LRRC27: variants seen among roughly 807,000 people sequenced by gnomAD.
LRRC27 encodes leucine rich repeat containing 27.
LRRC27 carries 57 observed loss-of-function variants against 55.0 expected under a neutral mutation model. The observed-to-expected ratio is 1.04, with a 90% CI of 0.84 to 1.29. The LOEUF (loss-of-function observed/expected upper bound fraction) is 1.29, where lower values mean the gene tolerates loss of function less well. Among genes scored for constraint, LRRC27 ranks in the 50% most tolerant of loss-of-function variants. The probability of loss-of-function intolerance (pLI) is 0.00; values close to 1 mark genes in which losing one functional copy is unlikely to be tolerated. For synonymous variants in LRRC27, 278 were observed against 251.9 expected (o/e 1.10, Z -0.98); for missense variants, 721 against 651.5 (o/e 1.11, Z -1.16).
intron 10 of LRRC27, among the ~76,000 whole-genome samples, chr10:132,369,851 C>T (rs1420776482): frequency 6.6e-6 from 1 of 152,176 alleles, no homozygotes; most frequent in Admixed American, 6.5e-5. Context: ...GTGTCCCCCA[C>T]TGTTCTCCCG....
intron 4 of LRRC27, among the ~76,000 whole-genome samples, chr10:132,343,220 C>G (rs1250931958): frequency 6.7e-6 from 1 of 148,614 alleles, no homozygotes; most frequent in East Asian, 1.9e-4. Flanking sequence ...GAGGCTGAGG[C>G]AGGAGGCTAA....
chr10:132,333,378 T>C, intron 1 of LRRC27, 99 bp from the exon 2 acceptor site: 1 of 474,936 alleles, frequency 2.1e-6, no homozygotes, highest in Non-Finnish European at 3.5e-6. Context: ...AATGATAGCT[T>C]TTAAAGCAAG....
intron 8 of LRRC27, among the ~76,000 whole-genome samples, chr10:132,356,172 C>T (rs975015131): frequency 8.5e-5 from 13 of 152,194 alleles, no homozygotes; most frequent in African/African-American, 3.1e-4. Context: ...CCTCTTGGCT[C>T]ACTGACTTTT....
chr10:132,348,101 T>C lies in LRRC27; in HGVS notation c.671T>C (p.Val224Ala). ...AVNAQDPEGA[V>A]MKEKASFLPP... ...AACGCTCAGGACCCAGAGGGGGCTG[T>C]GATGAAAGAGAAGGCCAGCTTTCTC... The change falls in exon 6 of 11, where the codon GTG becomes GCG. Residue 224 changes from valine (V) to alanine (A), a missense_variant. Transcript: ENST00000368614. This position sits in a 1 kb window ranked among gnomAD's most constrained non-coding sequence, Gnocchi z 4.2. 1 of 1,613,932 alleles carries C rather than the reference T, an allele frequency of 6.2e-7. No individual in the cohort carries two copies. The highest frequency in any genetic ancestry group is 8.5e-7 in the Non-Finnish European group (1 of 1,180,006).
chr10:132,351,205 G>T lies in LRRC27; in HGVS notation c.927-402G>T, dbSNP rs528590900. On this transcript the variant is annotated intron_variant, in intron 6 of 10. Transcript: ENST00000368614. ...ACCTGAACTCCAGGCACGTCACATC[G>T]TCCAGCCCGGGCGAGCTGCTGGCCA... 1.7e-5 allele frequency: 3 copies of T among 179,604 alleles called. No homozygotes were observed. In the East Asian group the frequency reaches 4.8e-4, roughly 29 times the overall value. 11.1% of individuals were successfully genotyped at this position (179,604 alleles called of 1,614,324 possible). A position where few individuals can be genotyped will look rare whatever the true frequency, so the allele number is the denominator to read the frequency against.
chr10:132,340,295 T>A (rs544377101), intron 3 of LRRC27, among the ~76,000 whole-genome samples: 1 of 152,214 alleles, frequency 6.6e-6, no homozygotes, highest in Non-Finnish European at 1.5e-5. Context: ...TTTAATAATA[T>A]TATTATATAA....
intron 8 of LRRC27, among the ~76,000 whole-genome samples, chr10:132,360,213 A>G (rs370680095): frequency 2.0e-4 from 30 of 152,312 alleles, no homozygotes; most frequent in African/African-American, 7.2e-4. Flanking sequence ...TTCCTGCCTC[A>G]GCCTCCTGAG....
At chr10:132,354,475 CG>C (rs1361141515) in intron 7 of LRRC27, among the ~76,000 whole-genome samples, 2 of 152,144 alleles carry the variant, frequency 1.3e-5, no homozygotes, top group Non-Finnish European at 2.9e-5. Flanking sequence ...AGTGGGGACA[CG>C]GGGGGCACCA....
chr10:132,342,352 T>C (rs2067455594), intron 4 of LRRC27, 81 bp downstream of exon 4: 2 of 901,258 alleles, frequency 2.2e-6, no homozygotes. Flanking sequence ...GTATCAGGCA[T>C]GACAAAGGAG....
chr10:132,350,470 G>A (rs2067951963), intron 6 of LRRC27: 2 of 152,346 alleles, frequency 1.3e-5, no homozygotes, highest in Admixed American at 1.3e-4. Flanking sequence ...CACCCCAGGT[G>A]ACCCCTGTCC....
Position 132,377,719 on chromosome 10 carries a change from G to A in LRRC27, c.*2477G>A, listed in dbSNP as rs2069356266. On this transcript the variant is annotated 3_prime_UTR_variant, in exon 11 of 11. Transcript: ENST00000368614. Reference sequence around the variant, plus strand: ...TTTTTTAAGTATTTCTTTGTATCATGGTTATGCTTTGACTGGCCGTAAGTT... The same window carrying A: ...TTTTTTAAGTATTTCTTTGTATCATAGTTATGCTTTGACTGGCCGTAAGTT... 1 of 152,144 alleles carries A rather than the reference G, an allele frequency of 6.6e-6. No individual in the cohort carries two copies. The highest frequency in any genetic ancestry group is 1.9e-4 in the East Asian group (1 of 5,198). The allele number at this position is 152,144 out of a possible 1,614,324, so 9.4% of individuals were successfully genotyped here.
At position 132,376,060 on chromosome 10, in the gene LRRC27, A is replaced by C. The variant is rs550385919; in HGVS notation, c.*818A>C. The C allele has an allele frequency of 6.6e-6, 1 of 152,354 alleles. No individual in the cohort carries two copies. The highest frequency in any genetic ancestry group is 1.5e-5 in the Non-Finnish European group (1 of 68,028). The allele number at this position is 152,354 out of a possible 1,614,324, so 9.4% of individuals were successfully genotyped here. On this transcript the variant is annotated 3_prime_UTR_variant, in exon 11 of 11. Transcript: ENST00000368614. ...TGTTTATTTTTGTGTTAATTTTGGTAAATATGGTTTCAGTGAGTTTCCTCA... is the reference window on the plus strand; with the variant it reads ...TGTTTATTTTTGTGTTAATTTTGGTCAATATGGTTTCAGTGAGTTTCCTCA...
chr10:132,338,645 G>A (rs142865174), intron 3 of LRRC27, among the ~76,000 whole-genome samples: 3 of 151,892 alleles, frequency 2.0e-5, no homozygotes, highest in Admixed American at 1.3e-4. Flanking sequence ...CCACATCCCC[G>A]GCGCCATGGC....
chr10:132,362,203 G>A (rs1441315942), intron 9 of LRRC27, among the ~76,000 whole-genome samples: 2 of 152,200 alleles, frequency 1.3e-5, no homozygotes, highest in Admixed American at 6.5e-5. Context: ...GGGGCGGCCA[G>A]GCTGCTGGGC....
In LRRC27 at chr10:132,352,857, T is replaced by A. The variant is rs758264886; in HGVS notation, c.1073+1104T>A. 3 of 1,613,168 alleles carry A rather than the reference T, an allele frequency of 1.9e-6. No homozygotes were observed. The South Asian group carries it at 3.3e-5, about 18-fold the overall frequency. On this transcript the variant is annotated intron_variant, in intron 7 of 10. Transcript: ENST00000368614. Reference sequence around the variant, plus strand: ...ACACCTGCCTGCTTTCTTGTTCTTTTCCCTCATTTCTTGTTCTTCCTCAGT... The same window carrying A: ...ACACCTGCCTGCTTTCTTGTTCTTTACCCTCATTTCTTGTTCTTCCTCAGT...
At chr10:132,359,421 C>T (rs2068506955) in intron 8 of LRRC27, among the ~76,000 whole-genome samples, 1 of 152,142 alleles carries the variant, frequency 6.6e-6, no homozygotes, top group Non-Finnish European at 1.5e-5. Flanking sequence ...CGCATTGGCC[C>T]GGGGAGGGCA....
At chr10:132,357,765 T>C (rs2133006618) in intron 8 of LRRC27, among the ~76,000 whole-genome samples, 1 of 152,304 alleles carries the variant, frequency 6.6e-6, no homozygotes, top group East Asian at 1.9e-4. Flanking sequence ...TTCTAGAAAC[T>C]CATCTATCAT....
rs2069365976 is a variant in LRRC27, at chr10:132,378,440, CCT to C, written c.*3199_*3200del. The C allele has an allele frequency of 6.6e-6, 1 of 151,518 alleles. No individual in the cohort carries two copies. Among genetic ancestry groups the C allele is most frequent in the Non-Finnish European group, 1.5e-5 (1 of 67,916 alleles). The allele number at this position is 151,518 out of a possible 1,614,324, so 9.4% of individuals were successfully genotyped here. Reference sequence around the variant, plus strand: ...TTTTTCCCCTGTTCTCCCTCTTCTCCCTGAGACTTCAGTTTTGTGTGTGTGTG... The same window carrying C: ...TTTTTCCCCTGTTCTCCCTCTTCTCCGAGACTTCAGTTTTGTGTGTGTGTG... On this transcript the variant is annotated 3_prime_UTR_variant, in exon 11 of 11. Transcript: ENST00000368614.
In LRRC27 at chr10:132,355,782, T is replaced by G; in HGVS notation, c.1074-8T>G. 6.5e-7 allele frequency: 1 copy of G among 1,547,556 alleles called. No homozygotes were observed. The highest frequency in any genetic ancestry group is 8.7e-7 in the Non-Finnish European group (1 of 1,143,434). On this transcript the variant is annotated splice_region_variant and splice_polypyrimidine_tract_variant and intron_variant, in intron 7 of 10. Transcript: ENST00000368614. Reference sequence around the variant, plus strand: ...GTAACTTATGACATTAACCTTCCCTTTCTCCAGAGAGAAAAGGGCACTGCA... The same window carrying G: ...GTAACTTATGACATTAACCTTCCCTGTCTCCAGAGAGAAAAGGGCACTGCA...
Sources: allele counts gnomAD v4.1 joint callset (sites outside exome capture counted in the v4.1 genomes callset), GRCh38; gene constraint gnomAD v4.1.1; non-coding constraint Gnocchi (gnomAD v3.1); transcripts MANE v1.5; gene names NCBI Gene and HGNC (gene_info 2026-07-23, HGNC 2026-07-21).